Variants in DYNC2H1 observed in about 807,000 individuals in gnomAD.
DYNC2H1 encodes the protein cytoplasmic dynein 2 heavy chain 1.
A neutral mutation model predicts 570.0 loss-of-function variants in DYNC2H1; 410 were observed. That is an observed-to-expected ratio of 0.72 (90% confidence interval 0.66 to 0.78). DYNC2H1 has a LOEUF of 0.78. DYNC2H1 is among the 30% of genes least tolerant of loss of function. DYNC2H1 has a pLI of 0.00. For synonymous variants in DYNC2H1, 1,688 were observed against 1,677.6 expected, an observed-to-expected ratio of 1.01 and a Z score of -0.15; for missense variants, 4,865 against 5,046.4, an observed-to-expected ratio of 0.96 and a Z score of 1.09.
intron 17 of DYNC2H1, among the ~76,000 whole-genome samples, chr11:103,139,863 G>A (rs1199807318): frequency 2.6e-5 from 4 of 152,064 alleles, no homozygotes; most frequent in Non-Finnish European, 5.9e-5. Context: ...TCTCTTTGTA[G>A]GTCACTCAGG....
At position 103,135,758 on chromosome 11, in the gene DYNC2H1, T is replaced by A. The variant is rs2134780556; in HGVS notation, c.2384T>A (p.Ile795Asn). 1.2e-6 allele frequency: 2 copies of A among 1,611,440 alleles called. No homozygotes were observed. Among genetic ancestry groups the A allele is most frequent in the East Asian group, 2.2e-5 (1 of 44,834 alleles). ...CAATTCAGGCCCCCTTTTGAAGAAA[T>A]CCGGGCTAAATATTATAGAGAAATG... ...RLQFRPPFEE[I>N]RAKYYREMKR... Residue 795 changes from isoleucine to asparagine, a missense_variant, in exon 17 of 89, where the codon ATC becomes AAC. By Grantham distance (149) the Ile-to-Asn change is moderately radical (BLOSUM62 -3). Coordinates refer to ENST00000375735, the MANE Select transcript of DYNC2H1 (RefSeq NM_001377.3).
chr11:103,198,683 A>G (rs1218481262), intron 48 of DYNC2H1, among the ~76,000 whole-genome samples: 1 of 152,156 alleles, frequency 6.6e-6, no homozygotes, highest in African/African-American at 2.4e-5. Context: ...TGGATGTTGC[A>G]AAGTTTTGAA....
At chr11:103,223,512 C>T (rs902178461) in intron 59 of DYNC2H1, among the ~76,000 whole-genome samples, 4 of 152,026 alleles carry the variant, frequency 2.6e-5, no homozygotes, top group South Asian at 2.1e-4. Context: ...CTCAGCCTCC[C>T]GAGTAGCTGG....
At chr11:103,224,367 C>T (rs1352262723) in intron 59 of DYNC2H1, among the ~76,000 whole-genome samples, 2 of 151,336 alleles carry the variant, frequency 1.3e-5, no homozygotes, top group Non-Finnish European at 2.9e-5. Context: ...AGCAGTGTTA[C>T]ACTATACCCA....
In DYNC2H1 at chr11:103,381,052, A is replaced by AG. The variant is rs1941623932; in HGVS notation, c.12157-18609dup. Among the ~76,000 whole-genome samples, 3 of 152,338 alleles carry AG rather than the reference A, an allele frequency of 2.0e-5. No homozygotes were observed. In the South Asian group the frequency reaches 6.2e-4, roughly 32 times the overall value. ...CAGAACTTACAAGAAGGGAGCATGG[A>AG]GGTGATATAAAAGGTTTGTGTTTTA... On this transcript the variant is annotated intron_variant, in intron 83 of 88. Coordinates refer to ENST00000375735, the MANE Select transcript of DYNC2H1 (RefSeq NM_001377.3).
intron 84 of DYNC2H1, among the ~76,000 whole-genome samples, chr11:103,408,567 T>G (rs1942960945): frequency 2.6e-5 from 4 of 151,986 alleles, no homozygotes; most frequent in Admixed American, 2.0e-4. Context: ...GCAGAAATAT[T>G]AAATAGATAG....
Position 103,321,067 on chromosome 11 carries a change from C to G in DYNC2H1, c.11764C>G (p.Leu3922Val), listed in dbSNP as rs1467040737. 1.2e-6 allele frequency: 2 copies of G among 1,612,306 alleles called. No individual in the cohort carries two copies. The highest frequency in any genetic ancestry group is 2.7e-5 in the African/African-American group (2 of 74,868). ...ACAATGGGAATTTGTACATGGTTTA[C>G]TTGAAAATGCTATTTATGGAGGACG... ...DVQWEFVHGL[L>V]ENAIYGGRID... is the part of the protein sequence containing the mutation. Residue 3922 changes from leucine (L) to valine (V), a missense_variant, in exon 81 of 89, where the codon CTT becomes GTT. Around this residue, in one of 5 missense-constraint regions of DYNC2H1, gnomAD observed 2,401 missense variants for 2,454.6 expected, o/e 0.98. Transcript: ENST00000375735.
chr11:103,358,245 TATTTC>T lies in DYNC2H1; in HGVS notation c.12044_12048del (p.Ile4015ThrfsTer16). Reference sequence around the variant, plus strand: ...ATACTTATTATTTTTTTATTCAGGTTATTTCACAGTTGAGGATTTTGGGCAGATCC... The same window carrying T: ...ATACTTATTATTTTTTTATTCAGGTTACAGTTGAGGATTTTGGGCAGATCC... On this transcript the variant is annotated frameshift_variant, in exon 83 of 89. Transcript: ENST00000375735. LOFTEE classifies it high-confidence loss of function. 1 of 1,546,534 alleles carries T rather than the reference TATTTC, an allele frequency of 6.5e-7. No individual in the cohort carries two copies.
intron 61 of DYNC2H1, 40 bp from the exon 62 acceptor site, chr11:103,235,632 A>G: frequency 6.4e-7 from 1 of 1,555,734 alleles, no homozygotes; most frequent in African/African-American, 1.4e-5. Context: ...GTTAGAACAT[A>G]CTCATATATC....
chr11:103,459,026 C>T lies in DYNC2H1; in HGVS notation c.12648+2670C>T, dbSNP rs180685297. 9.7e-3 allele frequency among the ~76,000 whole-genome samples: 1,467 copies of T among 151,830 alleles called. 23 individuals are homozygous for T. The highest frequency in any genetic ancestry group is 0.033 in the African/African-American group (1,385 of 41,462). On this transcript the variant is annotated intron_variant, in intron 87 of 88. Coordinates refer to ENST00000375735, the MANE Select transcript of DYNC2H1 (RefSeq NM_001377.3). Reference sequence around the variant, plus strand: ...TATACAACTAACTTATTAGAAATTCCAGGCCGGGCGCGGTGGCTCACGCCT... The same window carrying T: ...TATACAACTAACTTATTAGAAATTCTAGGCCGGGCGCGGTGGCTCACGCCT...
rs923686429 is a variant in DYNC2H1, at chr11:103,249,008, T to C, written c.10042+3634T>C. Reference sequence around the variant, plus strand: ...ACTCTTGTACCTTGCCCAATCATGCTGTCTTTAGTTATCTAAAGTACAACA... The same window carrying C: ...ACTCTTGTACCTTGCCCAATCATGCCGTCTTTAGTTATCTAAAGTACAACA... On this transcript the variant is annotated intron_variant, in intron 65 of 88. Coordinates refer to ENST00000375735, the MANE Select transcript of DYNC2H1 (RefSeq NM_001377.3). The surrounding 1 kb of genome is among the most constrained non-coding windows in gnomAD (Gnocchi z 4.6). 3.3e-5 allele frequency among the ~76,000 whole-genome samples: 5 copies of C among 152,070 alleles called. No individual in the cohort carries two copies. The highest frequency in any genetic ancestry group is 1.2e-4 in the African/African-American group (5 of 41,450).
chr11:103,151,810 T>C lies in DYNC2H1; in HGVS notation c.2947-326T>C, dbSNP rs1037756928. On this transcript the variant is annotated intron_variant, in intron 20 of 88. Transcript: ENST00000375735. The surrounding 1 kb of genome is among the most constrained non-coding windows in gnomAD (Gnocchi z 4.6). Reference sequence around the variant, plus strand: ...AGCATTTTCTTGTGAATGGACCATTTATAATAAGAACTTTACTTTGATAAA... The same window carrying C: ...AGCATTTTCTTGTGAATGGACCATTCATAATAAGAACTTTACTTTGATAAA... Among the ~76,000 whole-genome samples the C allele has an allele frequency of 6.6e-6, 1 of 152,194 alleles. No individual in the cohort carries two copies. The highest frequency in any genetic ancestry group is 1.5e-5 in the Non-Finnish European group (1 of 68,024).
At position 103,307,785 on chromosome 11, in the gene DYNC2H1, A is replaced by G. The variant is rs1283262632; in HGVS notation, c.11447A>G (p.Asn3816Ser). The change falls in exon 78 of 89, where the codon AAC (asparagine) becomes AGC (serine). Residue 3816 changes from asparagine (N) to serine (S), a missense_variant. By Grantham distance (46) the Asn-to-Ser change is conservative. Around this residue, in one of 5 missense-constraint regions of DYNC2H1, gnomAD observed 2,401 missense variants for 2,454.6 expected, o/e 0.98. Transcript: ENST00000375735. The part of the protein sequence containing the change: ...RLWLTAEVHP[N>S]FTPILLQSSL... ...TGGCTCACTGCAGAAGTTCATCCCAACTTTACTCCTATTTTACTACAGTCA... is the reference window on the plus strand; with the variant it reads ...TGGCTCACTGCAGAAGTTCATCCCAGCTTTACTCCTATTTTACTACAGTCA... The G allele has an allele frequency of 6.2e-7, 1 of 1,605,848 alleles. No individual in the cohort carries two copies. Among genetic ancestry groups the G allele is most frequent in the Non-Finnish European group, 8.5e-7 (1 of 1,175,490 alleles).
rs1387306682 is a variant in DYNC2H1 at position 103,143,317 on chromosome 11, A to G, written c.2624A>G (p.His875Arg). The change falls in exon 18 of 89, where the codon CAT (histidine) becomes CGT (arginine). Residue 875 changes from histidine to arginine, a missense_variant. His to Arg is a conservative substitution (Grantham distance 29). Transcript: ENST00000375735. ...QVDMEALVEK[H>R]LFTVHDWEKN... The stretch of plus-strand genomic sequence containing the variant: ...GATATGGAAGCTCTGGTGGAAAAGC[A>G]TCTTTTTACTGTACATGATTGGGAG... 4.3e-6 allele frequency: 7 copies of G among 1,613,594 alleles called. No homozygotes were observed. In the East Asian group the frequency reaches 1.1e-4, roughly 26 times the overall value.
In DYNC2H1 at chr11:103,256,370, A is replaced by T; in HGVS notation, c.10461+130A>T. On this transcript the variant is annotated intron_variant, in intron 68 of 88. Transcript: ENST00000375735. This position sits in a 1 kb window ranked among gnomAD's most constrained non-coding sequence, Gnocchi z 4.0. ...AAGAAAAAAGCTATTCAAAAACATC[A>T]GAACATTGGGTTTGATTCTAGTTAT... The T allele has an allele frequency of 9.9e-6, 9 of 908,842 alleles. No individual in the cohort carries two copies. The highest frequency in any genetic ancestry group is 1.1e-5 in the Non-Finnish European group (7 of 621,978). The allele number at this position is 908,842 out of a possible 1,614,324, so 56.3% of individuals were successfully genotyped here. A position where few individuals can be genotyped will look rare whatever the true frequency, so the allele number is the denominator to read the frequency against.
chr11:103,241,917 G>A lies in DYNC2H1; in HGVS notation c.9820-1776G>A, dbSNP rs668881. Among the ~76,000 whole-genome samples the A allele has an allele frequency of 0.24, 37,041 of 151,858 alleles. 5,049 individuals are homozygous for A. The highest frequency in any genetic ancestry group is 0.38 in the African/African-American group (15,713 of 41,382). ...AGTCGTTCTTCTCTTTAATATCACC[G>A]TGTGCTAGCAATTGTAAACAGCATT... On this transcript the variant is annotated intron_variant, in intron 63 of 88. Coordinates refer to ENST00000375735, the MANE Select transcript of DYNC2H1 (RefSeq NM_001377.3). The surrounding 1 kb of genome is among the most constrained non-coding windows in gnomAD (Gnocchi z 5.1).
rs751330893 is a variant in DYNC2H1 at position 103,277,103 on chromosome 11, A to C, written c.10696-3245A>C. ...TTTGTAATAGCCAAATAATGTATAC[A>C]TATAAATAAAGAAAAAAAAGTCTCC... On this transcript the variant is annotated intron_variant, in intron 70 of 88. Transcript: ENST00000375735. The surrounding 1 kb of genome is among the most constrained non-coding windows in gnomAD (Gnocchi z 4.3). Among the ~76,000 whole-genome samples, 1 of 152,122 alleles carries C rather than the reference A, an allele frequency of 6.6e-6. No homozygotes were observed. Among genetic ancestry groups the C allele is most frequent in the East Asian group, 1.9e-4 (1 of 5,204 alleles).
Position 103,460,061 on chromosome 11 carries a change from C to G in DYNC2H1, c.12648+3705C>G, listed in dbSNP as rs1207350784. On this transcript the variant is annotated intron_variant, in intron 87 of 88. Coordinates refer to ENST00000375735, the MANE Select transcript of DYNC2H1 (RefSeq NM_001377.3). ...TTGAGATGGGGTTTTGCTATGTGGC[C>G]CAGGGTGAATTTGAACTCCTGGGCT... Among the ~76,000 whole-genome samples the G allele has an allele frequency of 3.3e-5, 5 of 151,738 alleles. No homozygotes were observed. In the East Asian group the frequency reaches 7.8e-4, roughly 24 times the overall value.
intron 83 of DYNC2H1, among the ~76,000 whole-genome samples, chr11:103,375,320 G>A (rs889012032): frequency 2.0e-5 from 3 of 152,200 alleles, no homozygotes; most frequent in Non-Finnish European, 2.9e-5. Context: ...CTCTGCTAGG[G>A]CAGTGCAGAA....
Sources: allele counts gnomAD v4.1 joint callset (sites outside exome capture counted in the v4.1 genomes callset), GRCh38; gene constraint gnomAD v4.1.1; regional missense constraint gnomAD v4.1.1; non-coding constraint Gnocchi (gnomAD v3.1); transcripts MANE v1.5; gene names NCBI Gene and HGNC (gene_info 2026-07-23, HGNC 2026-07-21).